ZNF569: variants seen among roughly 807,000 people sequenced by gnomAD.
ZNF569 encodes the protein zinc finger protein 569.
In ZNF569, 38 loss-of-function variants were observed where a neutral mutation model predicts 56.3. That is an observed-to-expected ratio of 0.68 (90% CI 0.52 to 0.88). The LOEUF (loss-of-function observed/expected upper bound fraction) is 0.88, where lower values mean the gene tolerates loss of function less well. Among genes scored for constraint, ZNF569 ranks in the 40% least tolerant of loss-of-function variants. ZNF569 has a pLI of 0.00. For missense variants in ZNF569, 666 were observed against 809.2 expected, an observed-to-expected ratio of 0.82 and a Z score of 2.15; for synonymous variants, 241 against 262.9, an observed-to-expected ratio of 0.92 and a Z score of 0.81.
intron 5 of ZNF569, among the ~76,000 whole-genome samples, chr19:37,419,585 G>T (rs945314409): frequency 1.3e-5 from 2 of 151,988 alleles, no homozygotes; most frequent in African/African-American, 4.8e-5. Context: ...TTAGCCGGGC[G>T]TGGTGGCAGG....
intron 2 of ZNF569, among the ~76,000 whole-genome samples, chr19:37,454,492 C>T (rs1252487183): frequency 6.6e-6 from 1 of 151,966 alleles, no homozygotes; most frequent in Non-Finnish European, 1.5e-5. Context: ...TCCCCTACTC[C>T]CAGAGATATT....
chr19:37,449,710 T>C (rs1324881509), intron 2 of ZNF569, among the ~76,000 whole-genome samples: 1 of 152,046 alleles, frequency 6.6e-6, no homozygotes, highest in African/African-American at 2.4e-5. Context: ...AATATACTTA[T>C]TTATCTTTAT....
chr19:37,414,786 G>A (rs1410171869), intron 5 of ZNF569, among the ~76,000 whole-genome samples: 5 of 151,972 alleles, frequency 3.3e-5, no homozygotes, highest in East Asian at 3.8e-4. Context: ...ATCATTTTGC[G>A]GGACTCTATT....
intron 3 of ZNF569, among the ~76,000 whole-genome samples, chr19:37,434,585 G>A (rs374449375): frequency 6.6e-6 from 1 of 152,184 alleles, no homozygotes; most frequent in Non-Finnish European, 1.5e-5. Flanking sequence ...CAGCTACTCG[G>A]TGTCAAGCCT....
intron 2 of ZNF569, among the ~76,000 whole-genome samples, chr19:37,449,648 T>C (rs1001864271): frequency 3.1e-4 from 42 of 135,150 alleles, no homozygotes; most frequent in African/African-American, 1.2e-3. Context: ...TTGCTTCCTC[T>C]TTTTTTTTTT....
chr19:37,462,418 GAAAA>G (rs1198579734), intron 2 of ZNF569, among the ~76,000 whole-genome samples: 1 of 121,628 alleles, frequency 8.2e-6, no homozygotes. Context: ...CTTCCATTTA[GAAAA>G]AAAAAAAAAA....
upstream of ZNF569, chr19:37,469,251 G>A (rs987155518): frequency 1.4e-5 from 20 of 1,387,376 alleles, no homozygotes; most frequent in East Asian, 8.2e-5. Context: ...GCCAGACACT[G>A]CGACGCCGCG....
At chr19:37,466,388 G>A (rs1468964855) in intron 1 of ZNF569, among the ~76,000 whole-genome samples, 1 of 152,182 alleles carries the variant, frequency 6.6e-6, no homozygotes, top group Non-Finnish European at 1.5e-5. Context: ...TCAGCACTTT[G>A]GGAGAACGAG....
At chr19:37,447,404 G>C (rs187053789) in intron 2 of ZNF569, among the ~76,000 whole-genome samples, 1 of 152,236 alleles carries the variant, frequency 6.6e-6, no homozygotes, top group African/African-American at 2.4e-5. Flanking sequence ...TATACAAATA[G>C]AATTCAACCA....
In ZNF569 at chr19:37,413,450, C is replaced by T. The variant is rs1429505251; in HGVS notation, c.1208G>A (p.Ser403Asn). The part of the protein sequence containing the change: ...QSSALTVHMR[S>N]HTGEKPYECK... ...TTCATAGGGTTTCTCACCAGTGTGA[C>T]TTCTCATATGTACAGTAAGGGCTGA... Residue 403 changes from serine (S) to asparagine (N), a missense_variant, in exon 6 of 6, where the codon AGT (serine) becomes AAT (asparagine). Physicochemically the swap from Ser to Asn is conservative, Grantham distance 46. Coordinates refer to ENST00000316950, the MANE Select transcript of ZNF569 (RefSeq NM_152484.3). 3 of 1,613,652 alleles carry T rather than the reference C, an allele frequency of 1.9e-6. No individual in the cohort carries two copies. In the African/African-American group the frequency reaches 4.0e-5, roughly 22 times the overall value.
intron 3 of ZNF569, among the ~76,000 whole-genome samples, chr19:37,440,801 T>C (rs1886472750): frequency 6.6e-6 from 1 of 152,210 alleles, no homozygotes; most frequent in Admixed American, 6.5e-5. Context: ...TTTTCTTAGG[T>C]ACTCTGCCCT....
intron 2 of ZNF569, among the ~76,000 whole-genome samples, chr19:37,451,873 A>G (rs1156863318): frequency 6.6e-6 from 1 of 152,140 alleles, no homozygotes; most frequent in African/African-American, 2.4e-5. Context: ...GGTCTTGTTT[A>G]TATATCCATT....
At chr19:37,455,741 C>T (rs1298397491) in intron 2 of ZNF569, among the ~76,000 whole-genome samples, 1 of 152,100 alleles carries the variant, frequency 6.6e-6, no homozygotes, top group Non-Finnish European at 1.5e-5. Context: ...CCCCGGATTC[C>T]AGGTCCTACC....
At chr19:37,423,418 C>T (rs78004577) in intron 5 of ZNF569, among the ~76,000 whole-genome samples, 2 of 120,432 alleles carry the variant, frequency 1.7e-5, no homozygotes, top group Non-Finnish European at 4.2e-5. Context: ...CTAACATTGA[C>T]ATTAAAAACT....
chr19:37,437,070 CA>C (rs1254343276), intron 3 of ZNF569, among the ~76,000 whole-genome samples: 1 of 148,574 alleles, frequency 6.7e-6, no homozygotes. Flanking sequence ...AACATTGATG[CA>C]AAAATCCTCA....
In ZNF569 at chr19:37,414,430, T is replaced by C. The variant is rs756381419; in HGVS notation, c.239-11A>G. 34 of 1,536,454 alleles carry C rather than the reference T, an allele frequency of 2.2e-5. No individual in the cohort carries two copies. The highest frequency in any genetic ancestry group is 1.6e-4 in the East Asian group (7 of 43,940). On this transcript the variant is annotated splice_polypyrimidine_tract_variant and intron_variant, in intron 5 of 5. Coordinates refer to ENST00000316950, the MANE Select transcript of ZNF569 (RefSeq NM_152484.3). ...CTCCCCATATTTCTCCTAAAACAGA[T>C]TGCAAATAAATATCACTTACAAATT...
chr19:37,430,892 C>T (rs2041215208), intron 3 of ZNF569, among the ~76,000 whole-genome samples: 2 of 152,276 alleles, frequency 1.3e-5, no homozygotes, highest in Non-Finnish European at 2.9e-5. Flanking sequence ...AGGAGGGAGA[C>T]CAGAGTGATT....
chr19:37,413,887 G>A lies in ZNF569; in HGVS notation c.771C>T (p.Leu257=), dbSNP rs759511777. Residue 257 remains leucine (L), a synonymous_variant, in exon 6 of 6, where the codon CTC becomes CTT. Coordinates refer to ENST00000316950, the MANE Select transcript of ZNF569 (RefSeq NM_152484.3). ...CGKAFIKMSN[L]IRHQRIHTGE... is the part of the protein sequence containing the mutation. ...CAGTATGAATTCTTTGATGTCTAAT[G>A]AGATTTGACATTTTAATGAAAGCTT... 4.3e-6 allele frequency: 7 copies of A among 1,613,232 alleles called. No individual in the cohort carries two copies. In the East Asian group the frequency reaches 1.1e-4, roughly 26 times the overall value.
At position 37,414,069 on chromosome 19, in the gene ZNF569, G is replaced by T; in HGVS notation, c.589C>A (p.Gln197Lys). 1 of 1,613,628 alleles carries T rather than the reference G, an allele frequency of 6.2e-7. No homozygotes were observed. The highest frequency in any genetic ancestry group is 1.1e-5 in the South Asian group (1 of 91,066). The change falls in exon 6 of 6, where the codon CAG becomes AAG. Residue 197 changes from glutamine (Q) to lysine (K), a missense_variant. Transcript: ENST00000316950. ...AGATGTCTGATGAGGTCCAAAGTCT[G>T]ATTGAAGCCTTTTCCACAATGATTA... ...KCNHCGKGFN[Q>K]TLDLIRHLRI...
Sources: allele counts gnomAD v4.1 joint callset (sites outside exome capture counted in the v4.1 genomes callset), GRCh38; gene constraint gnomAD v4.1.1; transcripts MANE v1.5; gene names NCBI Gene and HGNC (gene_info 2026-07-23, HGNC 2026-07-21).